SMARCA2: variants seen among roughly 807,000 people sequenced by gnomAD.
SMARCA2 encodes the protein SWI/SNF related BAF chromatin remodeling complex subunit ATPase 2.
Under a neutral mutation model 199.8 loss-of-function variants are expected in SMARCA2, and 61 were observed. That is an observed-to-expected ratio of 0.31 (90% confidence interval 0.25 to 0.38). The LOEUF is 0.38. Among genes scored for constraint, SMARCA2 ranks in the 10% least tolerant of loss-of-function variants. SMARCA2 has a pLI of 1.00. For missense variants in SMARCA2, 1,344 were observed against 2,012.2 expected (o/e 0.67, Z 6.35); for synonymous variants, 935 against 732.0 (o/e 1.28, Z -4.48).
chr9:2,170,568 TTCTTCGGTCACC>T lies in SMARCA2; in HGVS notation c.4253+99_4253+110del. The stretch of plus-strand genomic sequence containing the variant: ...ATATAATCGGCCTTTGGAAGCAAAT[TTCTTCGGTCACC>T]TCCTGATCACCCCTACTTGGAGAGC... On this transcript the variant is annotated intron_variant, in intron 29 of 33. Transcript: ENST00000349721. The surrounding 1 kb of genome is among the most constrained non-coding windows in gnomAD (Gnocchi z 4.7). 4 of 1,596,196 alleles carry T rather than the reference TTCTTCGGTCACC, an allele frequency of 2.5e-6. No individual in the cohort carries two copies. The highest frequency in any genetic ancestry group is 2.6e-6 in the Non-Finnish European group (3 of 1,168,858).
At position 2,170,532 on chromosome 9, in the gene SMARCA2, C is replaced by G; in HGVS notation, c.4253+60C>G. ...TACAGGTATCCCTCGTTACGTGAAACAGATTGAATCATATAATCGGCCTTT... is the reference window on the plus strand; with the variant it reads ...TACAGGTATCCCTCGTTACGTGAAAGAGATTGAATCATATAATCGGCCTTT... On this transcript the variant is annotated intron_variant, in intron 29 of 33. Transcript: ENST00000349721. This position sits in a 1 kb window ranked among gnomAD's most constrained non-coding sequence, Gnocchi z 4.7. 1.2e-6 allele frequency: 2 copies of G among 1,612,296 alleles called. No homozygotes were observed. The highest frequency in any genetic ancestry group is 3.3e-5 in the Admixed American group (2 of 59,884).
Position 2,058,472 on chromosome 9 carries a change from A to C in SMARCA2, c.1521+8A>C, listed in dbSNP as rs770690970. 1 of 1,612,570 alleles carries C rather than the reference A, an allele frequency of 6.2e-7. No individual in the cohort carries two copies. Among genetic ancestry groups the C allele is most frequent in the African/African-American group, 1.3e-5 (1 of 74,818 alleles). ...AGAATGCGGCGACTGATGGTAAGGA[A>C]CTCCCTGCAGGAGCCCAGGAAACTA... On this transcript the variant is annotated splice_region_variant and intron_variant, in intron 8 of 33. Coordinates refer to ENST00000349721, the MANE Select transcript of SMARCA2 (RefSeq NM_003070.5).
intron 16 of SMARCA2, among the ~76,000 whole-genome samples, chr9:2,083,779 T>G (rs1821673087): frequency 6.6e-6 from 1 of 152,252 alleles, no homozygotes; most frequent in African/African-American, 2.4e-5. Flanking sequence ...CTGCTGTACT[T>G]TCTCAACAGA....
intron 27 of SMARCA2, among the ~76,000 whole-genome samples, chr9:2,136,177 C>T (rs1188054710): frequency 6.8e-6 from 1 of 147,136 alleles, no homozygotes; most frequent in Non-Finnish European, 1.5e-5. Context: ...TAATAATTAT[C>T]CCCTGCTTCT....
chr9:2,061,452 G>C (rs1820586323), intron 9 of SMARCA2, among the ~76,000 whole-genome samples: 1 of 152,176 alleles, frequency 6.6e-6, no homozygotes, highest in Admixed American at 6.5e-5. Context: ...ATTCAGTTCT[G>C]CTGTCCCTGT....
intron 27 of SMARCA2, among the ~76,000 whole-genome samples, chr9:2,146,983 G>A (rs1447479791): frequency 6.6e-6 from 1 of 152,168 alleles, no homozygotes; most frequent in Non-Finnish European, 1.5e-5. Flanking sequence ...GTCTGAGAAT[G>A]CAGCCCAGTA....
intron 4 of SMARCA2, chr9:2,045,128 G>C (rs534279344): frequency 2.0e-5 from 3 of 152,284 alleles, no homozygotes; most frequent in East Asian, 3.9e-4. Flanking sequence ...GCAGTGTTAC[G>C]GCTTTTGTTG....
chr9:2,112,568 T>A (rs936117843), intron 24 of SMARCA2, among the ~76,000 whole-genome samples: 15 of 151,940 alleles, frequency 9.9e-5, no homozygotes, highest in African/African-American at 3.1e-4. Context: ...AATAGTCCCC[T>A]CTTAACTACA....
chr9:2,073,098 A>G (rs1321842908), intron 10 of SMARCA2, 114 bp from the exon 11 acceptor site: 8 of 1,292,268 alleles, frequency 6.2e-6, no homozygotes, highest in Non-Finnish European at 8.5e-6. Flanking sequence ...GAAATTTCCA[A>G]ACACAGAATA....
At position 2,033,015 on chromosome 9, in the gene SMARCA2, A is replaced by G. The variant is rs1484288663; in HGVS notation, c.289A>G (p.Thr97Ala). 3 of 1,614,054 alleles carry G rather than the reference A, an allele frequency of 1.9e-6. No individual in the cohort carries two copies. Among genetic ancestry groups the G allele is most frequent in the Admixed American group, 1.7e-5 (1 of 60,018 alleles). Residue 97 changes from threonine to alanine, a missense_variant, in exon 3 of 34, where the codon ACT becomes GCT. By Grantham distance (58) the Thr-to-Ala change is moderately conservative (BLOSUM62 0). Coordinates refer to ENST00000349721, the MANE Select transcript of SMARCA2 (RefSeq NM_003070.5). ...EDIHCGSMKG[T>A]GMRPPHPGMG... The stretch of plus-strand genomic sequence containing the variant: ...CATCCATTGTGGATCCATGAAGGGC[A>G]CTGGTATGCGACCACCTCACCCAGG...
chr9:2,075,408 A>G (rs932926112), intron 12 of SMARCA2: 1 of 152,256 alleles, frequency 6.6e-6, no homozygotes, highest in African/African-American at 2.4e-5. Flanking sequence ...TTAGTAGTGG[A>G]CAGAATGGAC....
At chr9:2,107,723 CT>C (rs1822821360) in intron 23 of SMARCA2, among the ~76,000 whole-genome samples, 1 of 152,108 alleles carries the variant, frequency 6.6e-6, no homozygotes, top group South Asian at 2.1e-4. Context: ...TTGGATATTC[CT>C]TTTGTTTTTC....
chr9:2,069,266 A>G (rs1250357129), intron 9 of SMARCA2, among the ~76,000 whole-genome samples: 1 of 151,782 alleles, frequency 6.6e-6, no homozygotes, highest in Non-Finnish European at 1.5e-5. Context: ...AGGCACATAG[A>G]AGTTAATGGA....
intron 25 of SMARCA2, among the ~76,000 whole-genome samples, chr9:2,118,554 T>TA (rs1823318063): frequency 6.6e-6 from 1 of 152,212 alleles, no homozygotes; most frequent in African/African-American, 2.4e-5. Context: ...CCTCGACTGA[T>TA]ACACTGAAAT....
rs10964527 is a variant in SMARCA2 at position 2,039,973 on chromosome 9, C to T, written c.790+73C>T. 0.11 allele frequency: 173,669 copies of T among 1,578,542 alleles called. 12,146 individuals are homozygous for T. The highest frequency in any genetic ancestry group is 0.38 in the East Asian group (17,026 of 44,524). ...TAACAAAGACTGCTCACCAAAACAC[C>T]GGGTTGTTAAAAGCCCGGGGCTGAC... On this transcript the variant is annotated intron_variant, in intron 4 of 33. Coordinates refer to ENST00000349721, the MANE Select transcript of SMARCA2 (RefSeq NM_003070.5). The surrounding 1 kb of genome is among the most constrained non-coding windows in gnomAD (Gnocchi z 4.8).
intron 27 of SMARCA2, among the ~76,000 whole-genome samples, chr9:2,156,529 C>A (rs1377222206): frequency 7.0e-6 from 1 of 143,000 alleles, no homozygotes; most frequent in Non-Finnish European, 1.5e-5. Context: ...TCCCGAGGTT[C>A]AAGCAATTCT....
intron 29 of SMARCA2, among the ~76,000 whole-genome samples, chr9:2,177,222 T>G (rs921850733): frequency 6.6e-6 from 1 of 152,234 alleles, no homozygotes; most frequent in East Asian, 1.9e-4. Context: ...TTTTAAAGTT[T>G]TCTTCCCAAA....
chr9:2,081,943 C>G lies in SMARCA2; in HGVS notation c.2296C>G (p.Leu766Val), dbSNP rs780356266. 6.2e-7 allele frequency: 1 copy of G among 1,613,764 alleles called. No individual in the cohort carries two copies. Among genetic ancestry groups the G allele is most frequent in the Non-Finnish European group, 8.5e-7 (1 of 1,179,708 alleles). ...ACAGACCATTGCACTCATCACTTAT[C>G]TGATGGAGCACAAAAGACTCAATGG... Reference protein sequence around the residue: ...TIQTIALITYLMEHKRLNGPY... With the variant: ...TIQTIALITYVMEHKRLNGPY... Residue 766 changes from leucine (L) to valine (V), a missense_variant, in exon 15 of 34, where the codon CTG becomes GTG. Transcript: ENST00000349721.
At chr9:2,046,820 T>C (rs1164759129) in intron 4 of SMARCA2, among the ~76,000 whole-genome samples, 1 of 152,146 alleles carries the variant, frequency 6.6e-6, no homozygotes, top group Non-Finnish European at 1.5e-5. Flanking sequence ...TCAATGCACC[T>C]GTAATTAAAA....
Sources: allele counts gnomAD v4.1 joint callset (sites outside exome capture counted in the v4.1 genomes callset), GRCh38; gene constraint gnomAD v4.1.1; non-coding constraint Gnocchi (gnomAD v3.1); transcripts MANE v1.5; gene names NCBI Gene and HGNC (gene_info 2026-07-23, HGNC 2026-07-21).